Variants in SPATA6 observed in about 807,000 individuals in gnomAD.
The protein encoded by SPATA6 is spermatogenesis associated 6, also known as spermatogenesis-associated protein 6.
In SPATA6, 56 loss-of-function variants were observed where a neutral mutation model predicts 65.3. The observed-to-expected ratio is 0.86, with a 90% CI of 0.69 to 1.07. SPATA6 has a LOEUF of 1.07. Ranked by LOEUF, SPATA6 falls within the 50% of genes least tolerant of loss-of-function variation. The pLI is 0.00. For synonymous variants in SPATA6, 199 were observed against 213.2 expected, an observed-to-expected ratio of 0.93 and a Z score of 0.58; for missense variants, 590 against 594.8, an observed-to-expected ratio of 0.99 and a Z score of 0.08.
chr1:48,410,446 C>T (rs1652110544), intron 5 of SPATA6, among the ~76,000 whole-genome samples: 1 of 152,206 alleles, frequency 6.6e-6, no homozygotes, highest in African/African-American at 2.4e-5. Context: ...ACTGTTCCTC[C>T]ATCTGCCCAT....
At chr1:48,465,545 A>C (rs1358489055) in intron 1 of SPATA6, among the ~76,000 whole-genome samples, 2 of 152,190 alleles carry the variant, frequency 1.3e-5, no homozygotes, top group African/African-American at 4.8e-5. Flanking sequence ...TATACATATA[A>C]CTAAACAATA....
At chr1:48,358,050 C>T (rs1385634588) in intron 10 of SPATA6, among the ~76,000 whole-genome samples, 1 of 151,988 alleles carries the variant, frequency 6.6e-6, no homozygotes, top group Non-Finnish European at 1.5e-5. Flanking sequence ...CATCTATCAT[C>T]CTGAGTGAAA....
chr1:48,357,920 A>G (rs12733332), intron 10 of SPATA6, among the ~76,000 whole-genome samples: 16,555 of 152,242 alleles, frequency 0.11, 1,167 homozygotes, highest in Non-Finnish European at 0.16. Flanking sequence ...GGTAAATTCA[A>G]AACTAAATTG....
chr1:48,348,077 A>G (rs557104160), intron 11 of SPATA6, among the ~76,000 whole-genome samples: 11 of 151,762 alleles, frequency 7.2e-5, no homozygotes, highest in African/African-American at 2.4e-4. Flanking sequence ...CTCCACTGCA[A>G]CTCCTGCTTT....
At chr1:48,265,986 T>C in the SPATA6 span, among the ~76,000 whole-genome samples, 1,862 of 152,284 alleles carry the variant, frequency 0.012, 46 homozygotes, top group African/African-American at 0.043. Context: ...GGTGAGTAGA[T>C]TACTGCATTT....
intron 11 of SPATA6, among the ~76,000 whole-genome samples, chr1:48,349,320 G>T (rs1646453704): frequency 6.6e-6 from 1 of 151,926 alleles, no homozygotes; most frequent in Non-Finnish European, 1.5e-5. Context: ...AAAGTTGGCT[G>T]ACCACTGAAC....
chr1:48,354,700 C>T (rs543192979), intron 11 of SPATA6, among the ~76,000 whole-genome samples: 63 of 151,966 alleles, frequency 4.1e-4, no homozygotes, highest in African/African-American at 1.5e-3. Context: ...AAGCTCAAAA[C>T]GTGCAATATT....
intron 11 of SPATA6, among the ~76,000 whole-genome samples, chr1:48,342,826 A>C (rs1646258357): frequency 6.6e-6 from 1 of 152,072 alleles, no homozygotes. Context: ...GTGCAATATA[A>C]TTTAGAATAA....
chr1:48,411,005 G>A (rs1385421063), intron 5 of SPATA6, among the ~76,000 whole-genome samples: 1 of 152,098 alleles, frequency 6.6e-6, no homozygotes, highest in Non-Finnish European at 1.5e-5. Context: ...AAATCATATG[G>A]TTGTTTTAAC....
intron 9 of SPATA6, among the ~76,000 whole-genome samples, chr1:48,377,613 T>C (rs889947625): frequency 3.9e-5 from 6 of 152,210 alleles, no homozygotes; most frequent in African/African-American, 1.4e-4. Context: ...TATGAATGTT[T>C]GTGATTTTCT....
At chr1:48,263,489 G>C in the SPATA6 span, among the ~76,000 whole-genome samples, 1 of 152,080 alleles carries the variant, frequency 6.6e-6, no homozygotes, top group Non-Finnish European at 1.5e-5. Context: ...CAAGAAAAGT[G>C]ATCAATTTGC....
chr1:48,452,230 G>A (rs1007877593), intron 2 of SPATA6, among the ~76,000 whole-genome samples: 5 of 151,414 alleles, frequency 3.3e-5, no homozygotes, highest in African/African-American at 4.9e-5. Context: ...AAAGAAAGAC[G>A]GAAAAAGGGA....
intron 9 of SPATA6, among the ~76,000 whole-genome samples, chr1:48,365,799 T>G (rs1252565024): frequency 6.6e-6 from 1 of 152,218 alleles, no homozygotes; most frequent in Non-Finnish European, 1.5e-5. Flanking sequence ...TTCTCCTGCC[T>G]AATTGCCCTG....
At chr1:48,458,653 TAA>T (rs1657186199) in intron 1 of SPATA6, among the ~76,000 whole-genome samples, 1 of 152,144 alleles carries the variant, frequency 6.6e-6, no homozygotes, top group African/African-American at 2.4e-5. Flanking sequence ...GGATGAACCT[TAA>T]AAGCATTATG....
At chr1:48,264,477 G>C in the SPATA6 span, among the ~76,000 whole-genome samples, 1 of 152,036 alleles carries the variant, frequency 6.6e-6, no homozygotes. Flanking sequence ...TCATCAACTC[G>C]TCATCTACAT....
At chr1:48,310,876 T>C (rs1439217300) in intron 11 of SPATA6, among the ~76,000 whole-genome samples, 2 of 152,262 alleles carry the variant, frequency 1.3e-5, no homozygotes, top group East Asian at 1.9e-4. Context: ...ATACAAAATA[T>C]GTTACCTGGC....
At chr1:48,429,047 G>C (rs1654158677) in intron 3 of SPATA6, among the ~76,000 whole-genome samples, 2 of 151,468 alleles carry the variant, frequency 1.3e-5, no homozygotes, top group African/African-American at 4.9e-5. Flanking sequence ...TACAATAACA[G>C]CTACCCAACC....
At chr1:48,283,872 G>C in the SPATA6 span, among the ~76,000 whole-genome samples, 173 of 151,818 alleles carry the variant, frequency 1.1e-3, 1 homozygote, top group African/African-American at 4.1e-3. Context: ...TTTTTTCATT[G>C]ATTTCAACCA....
At chr1:48,302,222 T>C (rs1389583132) in intron 12 of SPATA6, among the ~76,000 whole-genome samples, 1 of 152,186 alleles carries the variant, frequency 6.6e-6, no homozygotes, top group African/African-American at 2.4e-5. Flanking sequence ...GCTATTTTAT[T>C]TTTATAGATT....
Sources: gnomAD v4.1 joint callset for allele counts (sites outside exome capture counted in the v4.1 genomes callset) on GRCh38, gnomAD v4.1.1 for gene constraint, MANE v1.5 for transcripts, NCBI Gene and HGNC (gene_info 2026-07-23, HGNC 2026-07-21) for gene names.